Variants in USP31 observed in about 807,000 individuals in gnomAD.
USP31 encodes the protein ubiquitin specific peptidase 31, also known as ubiquitin carboxyl-terminal hydrolase 31.
USP31 carries 44 observed loss-of-function variants against 119.4 expected under a neutral mutation model. The observed-to-expected ratio is 0.37, with a 90% CI of 0.29 to 0.47. USP31 has a LOEUF of 0.47. Ranked by LOEUF, USP31 falls within the 20% of genes least tolerant of loss-of-function variation. The probability of loss-of-function intolerance (pLI) is 0.99; values close to 1 mark genes in which losing one functional copy is unlikely to be tolerated. For synonymous variants in USP31, 749 were observed against 705.6 expected, an observed-to-expected ratio of 1.06 and a Z score of -0.97; for missense variants, 1,643 against 1,730.2, an observed-to-expected ratio of 0.95 and a Z score of 0.89.
In USP31 at chr16:23,073,883, G is replaced by A; in HGVS notation, c.2177-3C>T. ...GTCCACAGAGTTCTTACAGTACGCT[G>A]CCAAAGAGAGCCCGCCATCAGCACC... On this transcript the variant is annotated splice_region_variant and splice_polypyrimidine_tract_variant and intron_variant, in intron 13 of 15. Coordinates refer to ENST00000219689, the MANE Select transcript of USP31 (RefSeq NM_020718.4). 6.2e-7 allele frequency: 1 copy of A among 1,613,724 alleles called. No homozygotes were observed. Among genetic ancestry groups the A allele is most frequent in the Non-Finnish European group, 8.5e-7 (1 of 1,179,986 alleles).
chr16:23,076,320 C>CA (rs1442855623), intron 13 of USP31, among the ~76,000 whole-genome samples: 1 of 147,452 alleles, frequency 6.8e-6, no homozygotes. Flanking sequence ...AACTTAAAAA[C>CA]AGAGTATCTT....
intron 1 of USP31, among the ~76,000 whole-genome samples, chr16:23,132,035 G>A (rs1903045458): frequency 6.6e-6 from 1 of 152,162 alleles, no homozygotes; most frequent in Non-Finnish European, 1.5e-5. Context: ...CAGCTGGAGG[G>A]AAGAAGCAAC....
rs765676494 is a variant in USP31, at chr16:23,073,786, T to C, written c.2271A>G (p.Ala757=). 4 of 1,613,984 alleles carry C rather than the reference T, an allele frequency of 2.5e-6. No individual in the cohort carries two copies. Among genetic ancestry groups the C allele is most frequent in the South Asian group, 1.1e-5 (1 of 91,080 alleles). ...LSEDEVCTQT[A]YILFYQRRTA... Reference sequence around the variant, plus strand: ...TCCGCCTCTGGTAGAAGAGGATGTATGCTGTCTGCGTGCAGACCTCATCTT... The same window carrying C: ...TCCGCCTCTGGTAGAAGAGGATGTACGCTGTCTGCGTGCAGACCTCATCTT... Residue 757 remains alanine (A), a synonymous_variant, in exon 14 of 16, where the codon GCA becomes GCG. Coordinates refer to ENST00000219689, the MANE Select transcript of USP31 (RefSeq NM_020718.4).
At chr16:23,131,754 AC>A (rs1198233945) in intron 1 of USP31, among the ~76,000 whole-genome samples, 1 of 152,150 alleles carries the variant, frequency 6.6e-6, no homozygotes, top group Non-Finnish European at 1.5e-5. Context: ...ATATGGCCCT[AC>A]ACAAATAAGC....
rs1189739212 is a variant in USP31 at position 23,061,586 on chromosome 16, T to C, written c.*6460A>G. 1 of 152,608 alleles carries C rather than the reference T, an allele frequency of 6.6e-6. No individual in the cohort carries two copies. Among genetic ancestry groups the C allele is most frequent in the South Asian group, 2.1e-4 (1 of 4,828 alleles). 9.5% of individuals were successfully genotyped at this position (152,608 alleles called of 1,614,324 possible). ...TTGAATAATAAAACATACAAATAAA[T>C]AACAGAAATCAGTGACACATCTCAT... On this transcript the variant is annotated 3_prime_UTR_variant, in exon 16 of 16. Coordinates refer to ENST00000219689, the MANE Select transcript of USP31 (RefSeq NM_020718.4).
intron 1 of USP31, among the ~76,000 whole-genome samples, chr16:23,124,355 C>G (rs945616886): frequency 3.3e-5 from 5 of 152,128 alleles, no homozygotes; most frequent in Non-Finnish European, 7.4e-5. Flanking sequence ...TTGTAAGGAT[C>G]TGATGTTCAA....
chr16:23,135,738 T>C (rs1903168978), intron 1 of USP31, among the ~76,000 whole-genome samples: 1 of 152,192 alleles, frequency 6.6e-6, no homozygotes, highest in South Asian at 2.1e-4. Flanking sequence ...CTTAATATTG[T>C]TAAGATGACA....
chr16:23,067,658 C>G lies in USP31; in HGVS notation c.*388G>C, dbSNP rs185802607. 4 of 162,612 alleles carry G rather than the reference C, an allele frequency of 2.5e-5. No individual in the cohort carries two copies. The highest frequency in any genetic ancestry group is 9.6e-5 in the African/African-American group (4 of 41,720). 10.1% of individuals were successfully genotyped at this position (162,612 alleles called of 1,614,324 possible). ...TGCTCAGAAGAAACACGAGTCAGCT[C>G]CTTCCTCCTTCTACGCACTAATGGT... On this transcript the variant is annotated 3_prime_UTR_variant, in exon 16 of 16. Coordinates refer to ENST00000219689, the MANE Select transcript of USP31 (RefSeq NM_020718.4).
chr16:23,070,445 G>A (rs1250830469), intron 15 of USP31, among the ~76,000 whole-genome samples: 1 of 152,170 alleles, frequency 6.6e-6, no homozygotes, highest in African/African-American at 2.4e-5. Flanking sequence ...CAGGCGTGGT[G>A]GCTCATGCCT....
intron 1 of USP31, among the ~76,000 whole-genome samples, chr16:23,145,733 G>A (rs970290363): frequency 2.0e-5 from 3 of 152,164 alleles, no homozygotes; most frequent in Non-Finnish European, 2.9e-5. Flanking sequence ...TGGGCCCAAC[G>A]AGCCACTGAA....
intron 6 of USP31, among the ~76,000 whole-genome samples, chr16:23,092,773 G>A (rs1029521344): frequency 6.6e-6 from 1 of 152,106 alleles, no homozygotes; most frequent in Non-Finnish European, 1.5e-5. Context: ...AGAGAAAACT[G>A]AATTGTAAGC....
rs769007067 is a variant in USP31 at position 23,080,050 on chromosome 16, G to C, written c.2072C>G (p.Pro691Arg). The change falls in exon 13 of 16, where the codon CCG (proline) becomes CGG (arginine). Residue 691 changes from proline (P) to arginine (R), a missense_variant. By Grantham distance (103) the Pro-to-Arg change is moderately radical. Coordinates refer to ENST00000219689, the MANE Select transcript of USP31 (RefSeq NM_020718.4). ...SSWSLPSHWS[P>R]WRRPYGLGRD... The stretch of plus-strand genomic sequence containing the variant: ...CCCGAGTCCATAGGGCCGTCTCCAC[G>C]GGGACCAATGCGATGGCAAACTCCA... The C allele has an allele frequency of 6.2e-7, 1 of 1,614,064 alleles. No individual in the cohort carries two copies. Among genetic ancestry groups the C allele is most frequent in the Admixed American group, 1.7e-5 (1 of 59,996 alleles).
chr16:23,068,647 C>G lies in USP31; in HGVS notation c.3458G>C (p.Ser1153Thr), dbSNP rs1349242904. 4 of 1,614,116 alleles carry G rather than the reference C, an allele frequency of 2.5e-6. No individual in the cohort carries two copies. The highest frequency in any genetic ancestry group is 3.4e-6 in the Non-Finnish European group (4 of 1,180,056). ...TTGTCTGGAGCCCTCTCTACTCAAGCTGTGGTCTGAAGTCCTGCTCTTCCC... is the reference window on the plus strand; with the variant it reads ...TTGTCTGGAGCCCTCTCTACTCAAGGTGTGGTCTGAAGTCCTGCTCTTCCC... The part of the protein sequence containing the change: ...PPGKSRTSDH[S>T]LSREGSRQSL... Residue 1153 changes from serine (S) to threonine (T), a missense_variant, in exon 16 of 16, where the codon AGC becomes ACC. By Grantham distance (58) the Ser-to-Thr change is moderately conservative. This residue lies in a region of USP31 where 699 missense variants were observed against 650.9 expected (regional missense o/e 1.07). Coordinates refer to ENST00000219689, the MANE Select transcript of USP31 (RefSeq NM_020718.4).
intron 11 of USP31, among the ~76,000 whole-genome samples, chr16:23,082,899 C>T (rs1474673018): frequency 3.7e-5 from 5 of 136,902 alleles, no homozygotes; most frequent in Non-Finnish European, 6.2e-5. Context: ...GGTGTGATCT[C>T]GGCTCACTGC....
Position 23,080,073 on chromosome 16 carries a change from C to G in USP31, c.2049G>C (p.Trp683Cys). ...PHVVKRSQSSWSLPSHWSPWR... is the reference protein window; with the variant it reads ...PHVVKRSQSSCSLPSHWSPWR... ...ACGGGGACCAATGCGATGGCAAACT[C>G]CAGCTGCTCTGGCTCCTCTTAACCA... The change falls in exon 13 of 16, where the codon TGG (tryptophan) becomes TGC (cysteine). Residue 683 changes from tryptophan (W) to cysteine (C), a missense_variant. Physicochemically the swap from Trp to Cys is radical, Grantham distance 215. Transcript: ENST00000219689. 1 of 1,613,988 alleles carries G rather than the reference C, an allele frequency of 6.2e-7. No individual in the cohort carries two copies. The highest frequency in any genetic ancestry group is 8.5e-7 in the Non-Finnish European group (1 of 1,179,934).
intron 1 of USP31, among the ~76,000 whole-genome samples, chr16:23,113,941 C>CATGG (rs1902404423): frequency 6.6e-6 from 1 of 152,084 alleles, no homozygotes; most frequent in African/African-American, 2.4e-5. Context: ...CCCATCTCTA[C>CATGG]TAAAAATACA....
intron 1 of USP31, among the ~76,000 whole-genome samples, chr16:23,147,419 CT>C (rs1438872418): frequency 6.6e-6 from 1 of 152,154 alleles, no homozygotes; most frequent in African/African-American, 2.4e-5. Context: ...CGATTCCATG[CT>C]GTTTAATACC....
Position 23,108,148 on chromosome 16 carries a change from T to C in USP31, c.669A>G (p.Gly223=), listed in dbSNP as rs374392058. The change falls in exon 2 of 16, where the codon GGA becomes GGG. Residue 223 remains glycine, a synonymous_variant. Coordinates refer to ENST00000219689, the MANE Select transcript of USP31 (RefSeq NM_020718.4). Reference sequence around the variant, plus strand: ...ACTCCTGGGCATCATGTTGGGAATTTCCCCGGTACTGCAGTGCATTCTTTG... The same window carrying C: ...ACTCCTGGGCATCATGTTGGGAATTCCCCCGGTACTGCAGTGCATTCTTTG... The part of the protein sequence containing the change: ...IVSKNALQYR[G]NSQHDAQEFL... 17 of 1,613,798 alleles carry C rather than the reference T, an allele frequency of 1.1e-5. No individual in the cohort carries two copies. Among genetic ancestry groups the C allele is most frequent in the Non-Finnish European group, 1.4e-5 (17 of 1,179,926 alleles).
chr16:23,138,824 G>T (rs952396230), intron 1 of USP31, among the ~76,000 whole-genome samples: 1 of 152,108 alleles, frequency 6.6e-6, no homozygotes, highest in Non-Finnish European at 1.5e-5. Flanking sequence ...AGCAGGTATT[G>T]TTTCTTCAGT....
Sources: gnomAD v4.1 joint callset for allele counts (sites outside exome capture counted in the v4.1 genomes callset) on GRCh38, gnomAD v4.1.1 for gene constraint, gnomAD v4.1.1 regional missense constraint, MANE v1.5 for transcripts, NCBI Gene and HGNC (gene_info 2026-07-23, HGNC 2026-07-21) for gene names.